The following TRPM3 variants were observed in gnomAD, a reference collection of about 807,000 sequenced individuals.
TRPM3 encodes long transient receptor potential channel 3.
TRPM3 carries 77 observed loss-of-function variants against 181.2 expected under a neutral mutation model. The ratio of observed to expected loss-of-function variants is 0.42; its 90% CI spans 0.35 to 0.51. TRPM3 has a LOEUF of 0.51. Among genes scored for constraint, TRPM3 ranks in the 20% least tolerant of loss-of-function variants. The pLI is 0.01. For missense variants in TRPM3, 1,759 were observed against 2,196.7 expected (o/e 0.80, Z 3.98); for synonymous variants, 745 against 796.4 (o/e 0.94, Z 1.09).
At chr9:71,376,039 T>G (rs1002284408) in intron 1 of TRPM3, among the ~76,000 whole-genome samples, 4 of 152,084 alleles carry the variant, frequency 2.6e-5, no homozygotes, top group Non-Finnish European at 5.9e-5. Flanking sequence ...AAACATATCT[T>G]TGATAAAATT....
chr9:70,855,981 A>G (rs1307878532), intron 3 of TRPM3, among the ~76,000 whole-genome samples: 1 of 152,198 alleles, frequency 6.6e-6, no homozygotes, highest in Non-Finnish European at 1.5e-5. Context: ...AATTTATTCC[A>G]TATTGTTTTT....
At position 70,598,275 on chromosome 9, in the gene TRPM3, CA is replaced by C. The variant is rs1278600889; in HGVS notation, c.3048+143del. On this transcript the variant is annotated intron_variant, in intron 21 of 25. Coordinates refer to ENST00000677713, the MANE Select transcript of TRPM3 (RefSeq NM_001366145.2). ...AGATGTAGTCAAACCCCCAAACATT[CA>C]AAAGGAATTCATAAAATAAAACACC... The C allele has an allele frequency of 2.7e-6, 3 of 1,101,992 alleles. No individual in the cohort carries two copies. In the Admixed American group the frequency reaches 7.0e-5, roughly 26 times the overall value. 68.3% of individuals were successfully genotyped at this position (1,101,992 alleles called of 1,614,324 possible). A position where few individuals can be genotyped will look rare whatever the true frequency, so the allele number is the denominator to read the frequency against.
intron 1 of TRPM3, among the ~76,000 whole-genome samples, chr9:71,023,644 A>G (rs1315285107): frequency 2.0e-5 from 3 of 152,190 alleles, no homozygotes; most frequent in Non-Finnish European, 4.4e-5. Flanking sequence ...AGTGAAAAAG[A>G]AACAAATTTT....
chr9:71,423,409 T>C (rs150880261), intron 1 of TRPM3, among the ~76,000 whole-genome samples: 1 of 152,196 alleles, frequency 6.6e-6, no homozygotes, highest in East Asian at 1.9e-4. Flanking sequence ...GAAGCAAACA[T>C]CTCATCTAAG....
intron 8 of TRPM3, among the ~76,000 whole-genome samples, chr9:70,755,257 G>C (rs993653603): frequency 2.0e-5 from 3 of 152,156 alleles, no homozygotes; most frequent in African/African-American, 4.8e-5. Flanking sequence ...AAATGTTAAG[G>C]GCAGCCAGAA....
At chr9:70,823,814 C>T (rs138086200) in intron 6 of TRPM3, among the ~76,000 whole-genome samples, 19 of 152,302 alleles carry the variant, frequency 1.2e-4, no homozygotes, top group African/African-American at 4.3e-4. Flanking sequence ...TTGTTCCTTG[C>T]ATATTAAATT....
At chr9:70,954,389 T>C (rs1207909510) in intron 1 of TRPM3, among the ~76,000 whole-genome samples, 1 of 152,114 alleles carries the variant, frequency 6.6e-6, no homozygotes, top group African/African-American at 2.4e-5. Context: ...TGAGAAGGAA[T>C]GTGAGAAGGA....
At chr9:71,322,105 T>C (rs1442644005) in intron 1 of TRPM3, among the ~76,000 whole-genome samples, 1 of 152,114 alleles carries the variant, frequency 6.6e-6, no homozygotes, top group African/African-American at 2.4e-5. Context: ...TTTATCAACA[T>C]TTTTGGTTGT....
At chr9:70,855,856 T>C (rs908655376) in intron 3 of TRPM3, among the ~76,000 whole-genome samples, 1 of 146,038 alleles carries the variant, frequency 6.8e-6, no homozygotes, top group African/African-American at 2.5e-5. Context: ...GTTTAATGCT[T>C]ATGATGGTTT....
chr9:71,031,996 TA>T (rs1338940465), intron 1 of TRPM3, among the ~76,000 whole-genome samples: 85 of 1,004 alleles, frequency 0.085, 3 homozygotes, highest in East Asian at 0.5. Flanking sequence ...ATTATATATA[TA>T]TAATTATATA....
At position 70,535,031 on chromosome 9, in the gene TRPM3, T is replaced by A. The variant is rs912649220; in HGVS notation, c.*922A>T. 2 of 74,678 alleles carry A rather than the reference T, an allele frequency of 2.7e-5. No homozygotes were observed. Among genetic ancestry groups the A allele is most frequent in the African/African-American group, 9.2e-5 (2 of 21,828 alleles). The allele number at this position is 74,678 out of a possible 1,614,324, so 4.6% of individuals were successfully genotyped here. A position where few individuals can be genotyped will look rare whatever the true frequency, so the allele number is the denominator to read the frequency against. ...GCAATTTCAGGCTAGTTCTGTCCACTGTTTTTTTTTTTTTTTTTTTAAGTT... is the reference window on the plus strand; with the variant it reads ...GCAATTTCAGGCTAGTTCTGTCCACAGTTTTTTTTTTTTTTTTTTTAAGTT... On this transcript the variant is annotated 3_prime_UTR_variant, in exon 26 of 26. Coordinates refer to ENST00000677713, the MANE Select transcript of TRPM3 (RefSeq NM_001366145.2).
intron 11 of TRPM3, 120 bp downstream of exon 11, chr9:70,638,940 G>A: frequency 1.7e-6 from 2 of 1,147,434 alleles, no homozygotes; most frequent in East Asian, 2.5e-5. Context: ...GAGTATTTGT[G>A]ATGAATGAAC....
intron 5 of TRPM3, among the ~76,000 whole-genome samples, chr9:70,831,206 G>C (rs926081191): frequency 6.6e-6 from 1 of 152,074 alleles, no homozygotes; most frequent in Non-Finnish European, 1.5e-5. Flanking sequence ...AAACGTACCA[G>C]CAATCTATTT....
Position 70,534,464 on chromosome 9 carries a change from G to C in TRPM3, c.*1489C>G, listed in dbSNP as rs1045533404. The C allele has an allele frequency of 3.9e-5, 6 of 152,126 alleles. No individual in the cohort carries two copies. Among genetic ancestry groups the C allele is most frequent in the Non-Finnish European group, 7.4e-5 (5 of 68,026 alleles). The allele number at this position is 152,126 out of a possible 1,614,324, so 9.4% of individuals were successfully genotyped here. On this transcript the variant is annotated 3_prime_UTR_variant, in exon 26 of 26. Transcript: ENST00000677713. ...ACTTCAAGGTGATAGAAAAGTCCAA[G>C]CCTCTTAAGAAAGCTCTTTATGTCC...
At chr9:71,199,101 A>G (rs1208816384) in intron 1 of TRPM3, among the ~76,000 whole-genome samples, 2 of 151,452 alleles carry the variant, frequency 1.3e-5, no homozygotes, top group Admixed American at 1.3e-4. Flanking sequence ...GAATTTTGTC[A>G]AAGGTCTTTT....
chr9:71,132,700 T>C (rs950717623), intron 1 of TRPM3, among the ~76,000 whole-genome samples: 39 of 152,206 alleles, frequency 2.6e-4, no homozygotes, highest in African/African-American at 9.2e-4. Context: ...AGAATTAAAA[T>C]GTATCTATTC....
At chr9:71,165,723 G>A (rs2076509561) in intron 1 of TRPM3, among the ~76,000 whole-genome samples, 1 of 152,164 alleles carries the variant, frequency 6.6e-6, no homozygotes, top group South Asian at 2.1e-4. Context: ...CTAATCATGA[G>A]AGAGAGGCAT....
intron 1 of TRPM3, among the ~76,000 whole-genome samples, chr9:70,927,119 A>C (rs922159192): frequency 6.6e-6 from 1 of 152,230 alleles, no homozygotes; most frequent in Non-Finnish European, 1.5e-5. Context: ...CACTACCAAC[A>C]TACTGAAATG....
At chr9:70,811,098 G>C (rs1348478389) in intron 6 of TRPM3, 1 of 1,219,512 alleles carries the variant, frequency 8.2e-7, no homozygotes, top group East Asian at 2.5e-5. Context: ...AATTATAAAG[G>C]AAATGAAGAC....
Sources: allele counts gnomAD v4.1 joint callset (sites outside exome capture counted in the v4.1 genomes callset), GRCh38; gene constraint gnomAD v4.1.1; transcripts MANE v1.5; gene names NCBI Gene and HGNC (gene_info 2026-07-23, HGNC 2026-07-21).